ARHGAP29: variants seen among roughly 807,000 people sequenced by gnomAD.
ARHGAP29 encodes Rho GTPase activating protein 29, also known as rho GTPase-activating protein 29.
A neutral mutation model predicts 122.6 loss-of-function variants in ARHGAP29; 43 were observed. The ratio of observed to expected loss-of-function variants is 0.35; its 90% CI spans 0.27 to 0.45. The LOEUF is 0.45. Among genes scored for constraint, ARHGAP29 ranks in the 20% least tolerant of loss-of-function variants. The pLI is 1.00. For synonymous variants in ARHGAP29, 506 were observed against 497.1 expected, an observed-to-expected ratio of 1.02 and a Z score of -0.24; for missense variants, 1,303 against 1,477.2, an observed-to-expected ratio of 0.88 and a Z score of 1.93.
At chr1:94,313,430 TC>T in the ARHGAP29 span, among the ~76,000 whole-genome samples, 2 of 152,072 alleles carry the variant, frequency 1.3e-5, no homozygotes, top group South Asian at 2.1e-4. Flanking sequence ...AAAGTGTATC[TC>T]CCCCCATCTC....
upstream of ARHGAP29, among the ~76,000 whole-genome samples, chr1:94,278,980 A>G (rs1272679071): frequency 1.3e-5 from 2 of 152,214 alleles, no homozygotes; most frequent in Non-Finnish European, 2.9e-5. Context: ...CATCTGATGC[A>G]TGGGAGAATA....
rs74991138 is a variant in ARHGAP29, at chr1:94,183,215, T to A, written c.2247+936A>T. Among the ~76,000 whole-genome samples the A allele has an allele frequency of 8.0e-4, 107 of 133,052 alleles. 1 individual carries two copies. The highest frequency in any genetic ancestry group is 3.4e-3 in the South Asian group (14 of 4,084). The allele number at this position is 133,052 out of a possible 152,430, so 87.3% of individuals were successfully genotyped here. A position where few individuals can be genotyped will look rare whatever the true frequency, so the allele number is the denominator to read the frequency against. On this transcript the variant is annotated intron_variant, in intron 19 of 22. Coordinates refer to ENST00000260526, the MANE Select transcript of ARHGAP29 (RefSeq NM_004815.4). ...GTCAATTAAAAAAAATTTTTTTTTTTAAAAAGGATCCTGCTGGAAGCAACA... is the reference window on the plus strand; with the variant it reads ...GTCAATTAAAAAAAATTTTTTTTTTAAAAAAGGATCCTGCTGGAAGCAACA...
At chr1:94,208,790 T>C in intron 5 of ARHGAP29, 42 bp downstream of exon 5, 1 of 1,587,840 alleles carries the variant, frequency 6.3e-7, no homozygotes, top group Non-Finnish European at 8.6e-7. Flanking sequence ...AACATGAAGT[T>C]AAAAACATTA....
the ARHGAP29 span, among the ~76,000 whole-genome samples, chr1:94,310,891 T>G: frequency 6.6e-6 from 1 of 152,172 alleles, no homozygotes; most frequent in Non-Finnish European, 1.5e-5. Flanking sequence ...TCCCCATGCC[T>G]GCTGTTTTCT....
chr1:94,302,072 G>C, the ARHGAP29 span: 1 of 275,524 alleles, frequency 3.6e-6, no homozygotes, highest in Admixed American at 3.9e-5. Flanking sequence ...AATGGATTTG[G>C]CCATACTGGG....
intron 22 of ARHGAP29, chr1:94,176,531 T>C (rs1649102990): frequency 6.6e-6 from 1 of 152,240 alleles, no homozygotes; most frequent in African/African-American, 2.4e-5. Context: ...AGAACTATTA[T>C]GAAGATCAAA....
chr1:94,211,264 G>A (rs1342593424), intron 3 of ARHGAP29, among the ~76,000 whole-genome samples: 1 of 112,492 alleles, frequency 8.9e-6, no homozygotes. Flanking sequence ...TCCAGCCTGG[G>A]CGACAGAGCA....
In ARHGAP29 at chr1:94,209,801, A is replaced by G. The variant is rs1651469796; in HGVS notation, c.341-451T>C. Among the ~76,000 whole-genome samples, 2 of 42,844 alleles carry G rather than the reference A, an allele frequency of 4.7e-5. 1 individual carries two copies. The highest frequency in any genetic ancestry group is 3.4e-3 in the South Asian group (2 of 594). 28.1% of individuals were successfully genotyped at this position (42,844 alleles called of 152,430 possible). Reference sequence around the variant, plus strand: ...TTTTTAGTATGAATTACCAATAATTAAAGTCATATATATATACATATACAT... The same window carrying G: ...TTTTTAGTATGAATTACCAATAATTGAAGTCATATATATATACATATACAT... On this transcript the variant is annotated intron_variant, in intron 3 of 22. Coordinates refer to ENST00000260526, the MANE Select transcript of ARHGAP29 (RefSeq NM_004815.4).
the ARHGAP29 span, among the ~76,000 whole-genome samples, chr1:94,294,822 T>A: frequency 6.6e-6 from 1 of 152,176 alleles, no homozygotes; most frequent in African/African-American, 2.4e-5. Context: ...GAAAATAATA[T>A]TATCCTGGAA....
chr1:94,301,163 TCGATGTTTTCCTCTTTTTC>T, the ARHGAP29 span, among the ~76,000 whole-genome samples: 9 of 138,640 alleles, frequency 6.5e-5, no homozygotes, highest in African/African-American at 2.8e-4. Context: ...AGAAAGACTC[TCGATGTTTTCCTCTTTTTC>T]ACATCACACA....
the ARHGAP29 span, among the ~76,000 whole-genome samples, chr1:94,282,255 CTTTATTTATTTA>C: frequency 8.5e-3 from 1,208 of 141,476 alleles, 3 homozygotes; most frequent in African/African-American, 0.011. Flanking sequence ...AGTGATAGTG[CTTTATTTATTTA>C]TTTATTTATT....
Position 94,184,209 on chromosome 1 carries a change from T to G in ARHGAP29, c.2189A>C (p.Asp730Ala). Residue 730 changes from aspartate (D) to alanine (A), a missense_variant, in exon 19 of 23, where the codon GAT (aspartate) becomes GCT (alanine). Asp to Ala is a moderately radical substitution (Grantham distance 126). This residue lies in a region of ARHGAP29 where 620 missense variants were observed against 651.2 expected (regional missense o/e 0.95). Coordinates refer to ENST00000260526, the MANE Select transcript of ARHGAP29 (RefSeq NM_004815.4). Reference sequence around the variant, plus strand: ...ATCATGTGAACTAAATTCTGAAATATCTACCAAGTGCATTCCATTTTCCAA... The same window carrying G: ...ATCATGTGAACTAAATTCTGAAATAGCTACCAAGTGCATTCCATTTTCCAA... ...QALENGMHLV[D>A]ISEFSSHDIC... The G allele has an allele frequency of 6.2e-7, 1 of 1,611,640 alleles. No individual in the cohort carries two copies. The highest frequency in any genetic ancestry group is 1.3e-5 in the African/African-American group (1 of 74,976).
intron 1 of ARHGAP29, among the ~76,000 whole-genome samples, chr1:94,234,672 T>C (rs1653138413): frequency 6.6e-6 from 1 of 152,218 alleles, no homozygotes; most frequent in South Asian, 2.1e-4. Context: ...TGAGCATTAT[T>C]ATTATATCTA....
upstream of ARHGAP29, among the ~76,000 whole-genome samples, chr1:94,278,063 T>G (rs546119505): frequency 2.0e-5 from 3 of 152,302 alleles, no homozygotes; most frequent in African/African-American, 7.2e-5. Flanking sequence ...TGCCTGTAAT[T>G]CCAGAGCTTT....
chr1:94,241,311 T>C (rs2100676053), upstream of ARHGAP29, among the ~76,000 whole-genome samples: 1 of 152,294 alleles, frequency 6.6e-6, no homozygotes, highest in South Asian at 2.1e-4. Context: ...CTCTAGATTA[T>C]CCTTAAAAGA....
chr1:94,280,273 T>TA, the ARHGAP29 span, among the ~76,000 whole-genome samples: 2 of 151,984 alleles, frequency 1.3e-5, no homozygotes, highest in Admixed American at 1.3e-4. Context: ...CCAGGTTCCT[T>TA]AACAGTTCAC....
chr1:94,245,871 C>T (rs751556276), intron 1 of ARHGAP29, among the ~76,000 whole-genome samples: 6 of 152,222 alleles, frequency 3.9e-5, no homozygotes, highest in Non-Finnish European at 8.8e-5. Flanking sequence ...TTATACTAAC[C>T]CCCGGGACCA....
chr1:94,314,071 A>G, the ARHGAP29 span, among the ~76,000 whole-genome samples: 3 of 152,150 alleles, frequency 2.0e-5, no homozygotes, highest in African/African-American at 7.2e-5. Context: ...ACATGTATAC[A>G]TATGTAATAA....
At chr1:94,307,617 C>A in the ARHGAP29 span, among the ~76,000 whole-genome samples, 1 of 151,992 alleles carries the variant, frequency 6.6e-6, no homozygotes, top group Non-Finnish European at 1.5e-5. Flanking sequence ...ACATCAATGG[C>A]ACAGACCAGA....
Sources: gnomAD v4.1 joint callset for allele counts (sites outside exome capture counted in the v4.1 genomes callset) on GRCh38, gnomAD v4.1.1 for gene constraint, gnomAD v4.1.1 regional missense constraint, MANE v1.5 for transcripts, NCBI Gene and HGNC (gene_info 2026-07-23, HGNC 2026-07-21) for gene names.